MCTP2: variants seen among roughly 807,000 people sequenced by gnomAD.
The protein encoded by MCTP2 is multiple C2 and transmembrane domain containing 2, also known as multiple C2 and transmembrane domain-containing protein 2.
A neutral mutation model predicts 111.6 loss-of-function variants in MCTP2; 132 were observed. That is an observed-to-expected ratio of 1.18 (90% confidence interval 1.03 to 1.37). The LOEUF is 1.37. Among genes scored for constraint, MCTP2 ranks in the 40% most tolerant of loss-of-function variants. The pLI is 0.00. For synonymous variants in MCTP2, 395 were observed against 387.7 expected (o/e 1.02, Z -0.22); for missense variants, 1,183 against 1,067.9 (o/e 1.11, Z -1.50).
At chr15:94,363,840 G>A (rs1026196781) in intron 10 of MCTP2, among the ~76,000 whole-genome samples, 5 of 152,124 alleles carry the variant, frequency 3.3e-5, no homozygotes, top group African/African-American at 1.2e-4. Context: ...GTCTCCTTGT[G>A]TGTGAAGTCA....
chr15:94,386,843 T>C (rs2080516372), intron 14 of MCTP2, among the ~76,000 whole-genome samples: 1 of 152,162 alleles, frequency 6.6e-6, no homozygotes. Flanking sequence ...CCCTCTGTTT[T>C]GTACCTAAAA....
chr15:94,470,061 A>G (rs1157111512), intron 20 of MCTP2, among the ~76,000 whole-genome samples: 1 of 152,160 alleles, frequency 6.6e-6, no homozygotes, highest in East Asian at 1.9e-4. Flanking sequence ...TGAGAGCCAA[A>G]AGTCTTCTCT....
chr15:94,456,435 G>C (rs1160462551), intron 19 of MCTP2, among the ~76,000 whole-genome samples: 5 of 152,230 alleles, frequency 3.3e-5, no homozygotes, highest in Non-Finnish European at 7.3e-5. Flanking sequence ...CTGCCGAAAA[G>C]AGGAAGCCAC....
chr15:94,254,548 G>T (rs963253771), intron 1 of MCTP2, among the ~76,000 whole-genome samples: 3 of 152,264 alleles, frequency 2.0e-5, no homozygotes, highest in Admixed American at 1.3e-4. Context: ...CCAAACAAAG[G>T]GCCACTATTT....
Position 94,339,298 on chromosome 15 carries a change from G to A in MCTP2, c.646G>A (p.Asp216Asn). The A allele has an allele frequency of 6.2e-7, 1 of 1,602,120 alleles. No individual in the cohort carries two copies. The highest frequency in any genetic ancestry group is 8.5e-7 in the Non-Finnish European group (1 of 1,175,286). Residue 216 changes from aspartate to asparagine, a missense_variant, in exon 5 of 23, where the codon GAT becomes AAT. Physicochemically the swap from Asp to Asn is conservative, Grantham distance 23 (BLOSUM62 1). Coordinates refer to ENST00000357742, the MANE Select transcript of MCTP2 (RefSeq NM_001385001.1). ...TTCTTTTCCTTTTAAAGGCACAAGT[G>A]ATCCTTATGTGAAATTTAAGCTGAA... ...LVVRDRCGTSDPYVKFKLNGK... is the reference protein window; with the variant it reads ...LVVRDRCGTSNPYVKFKLNGK...
intron 22 of MCTP2, among the ~76,000 whole-genome samples, chr15:94,478,427 A>G (rs931065917): frequency 3.9e-5 from 6 of 152,232 alleles, no homozygotes; most frequent in African/African-American, 1.4e-4. Flanking sequence ...AAGTACTCAT[A>G]TTTATCACAG....
chr15:94,355,081 G>T (rs1422721147), intron 8 of MCTP2, among the ~76,000 whole-genome samples: 1 of 152,200 alleles, frequency 6.6e-6, no homozygotes, highest in African/African-American at 2.4e-5. Context: ...TGTGGATCAT[G>T]TGGGGATCCC....
intron 4 of MCTP2, among the ~76,000 whole-genome samples, chr15:94,335,184 C>T (rs2077301160): frequency 6.6e-6 from 1 of 152,124 alleles, no homozygotes; most frequent in Non-Finnish European, 1.5e-5. Context: ...ATTTCTAAAC[C>T]TTGGCTCTGA....
chr15:94,303,107 A>ATATATAG (rs1475720278), intron 2 of MCTP2, among the ~76,000 whole-genome samples: 2 of 132,246 alleles, frequency 1.5e-5, no homozygotes, highest in Non-Finnish European at 3.1e-5. Flanking sequence ...TAGTTTATAT[A>ATATATAG]TATATATAGT....
At chr15:94,372,761 G>A (rs1269080791) in intron 12 of MCTP2, among the ~76,000 whole-genome samples, 3 of 150,446 alleles carry the variant, frequency 2.0e-5, no homozygotes, top group African/African-American at 7.3e-5. Context: ...GGGGAGTAAA[G>A]CATTCACCCA....
intron 2 of MCTP2, among the ~76,000 whole-genome samples, chr15:94,305,271 G>A (rs1023370799): frequency 5.3e-5 from 8 of 152,178 alleles, no homozygotes; most frequent in Non-Finnish European, 1.2e-4. Flanking sequence ...GGAGTCATCT[G>A]CAAGGCAGGA....
intron 9 of MCTP2, 32 bp downstream of exon 9, chr15:94,356,333 T>C (rs1420237671): frequency 2.0e-6 from 3 of 1,491,074 alleles, no homozygotes; most frequent in Admixed American, 2.4e-5. Context: ...AGGAGAACAG[T>C]ATCTTTAAAA....
At chr15:94,427,640 T>C (rs1041812998) in intron 17 of MCTP2, among the ~76,000 whole-genome samples, 2 of 152,134 alleles carry the variant, frequency 1.3e-5, no homozygotes, top group Non-Finnish European at 2.9e-5. Flanking sequence ...GGGATTACAA[T>C]TGGAGATGAG....
intron 17 of MCTP2, among the ~76,000 whole-genome samples, chr15:94,413,351 A>G (rs1596631405): frequency 6.6e-6 from 1 of 152,100 alleles, no homozygotes; most frequent in Non-Finnish European, 1.5e-5. Flanking sequence ...TCTGTAGCAC[A>G]TTCTTCCTTA....
intron 20 of MCTP2, among the ~76,000 whole-genome samples, chr15:94,465,039 G>A (rs1393390339): frequency 1.3e-5 from 2 of 152,030 alleles, no homozygotes; most frequent in East Asian, 3.8e-4. Flanking sequence ...TTACTTAGAT[G>A]TGTTTAAACT....
chr15:94,249,641 A>T (rs954302269), intron 1 of MCTP2, among the ~76,000 whole-genome samples: 9 of 151,904 alleles, frequency 5.9e-5, no homozygotes, highest in African/African-American at 2.2e-4. Context: ...ACCCGCCACC[A>T]CGCCCAGCTA....
intron 8 of MCTP2, among the ~76,000 whole-genome samples, chr15:94,352,187 T>A (rs2078341339): frequency 6.6e-6 from 1 of 152,232 alleles, no homozygotes; most frequent in Non-Finnish European, 1.5e-5. Context: ...GAGGATTCCC[T>A]ACCTGTTTGA....
chr15:94,480,055 G>GA lies in MCTP2; in HGVS notation c.*1023dup, dbSNP rs2074648311. On this transcript the variant is annotated 3_prime_UTR_variant, in exon 23 of 23. Transcript: ENST00000357742. ...CTACATACAATAAAAATTTATTTCA[G>GA]AACCCCATTTCTAGAAAATACCACC... The GA allele has an allele frequency of 6.6e-6, 1 of 152,016 alleles. No individual in the cohort carries two copies. The highest frequency in any genetic ancestry group is 2.4e-5 in the African/African-American group (1 of 41,390). 9.4% of individuals were successfully genotyped at this position (152,016 alleles called of 1,614,324 possible). A position where few individuals can be genotyped will look rare whatever the true frequency, so the allele number is the denominator to read the frequency against.
rs753977332 is a variant in MCTP2 at position 94,286,947 on chromosome 15, C to T, written c.-65-11254C>T. ...TCATGTTTTGTGAAGAGATCCTGCTCTTCAAGGGTCACATTTTAGCTTATA... is the reference window on the plus strand; with the variant it reads ...TCATGTTTTGTGAAGAGATCCTGCTTTTCAAGGGTCACATTTTAGCTTATA... On this transcript the variant is annotated intron_variant, in intron 1 of 22. Coordinates refer to ENST00000357742, the MANE Select transcript of MCTP2 (RefSeq NM_001385001.1). 6.5e-4 allele frequency among the ~76,000 whole-genome samples: 99 copies of T among 152,154 alleles called. 1 individual carries two copies. Among genetic ancestry groups the T allele is most frequent in the Non-Finnish European group, 2.4e-4 (16 of 68,026 alleles).
Sources: gnomAD v4.1 joint callset for allele counts (sites outside exome capture counted in the v4.1 genomes callset) on GRCh38, gnomAD v4.1.1 for gene constraint, MANE v1.5 for transcripts, NCBI Gene and HGNC (gene_info 2026-07-23, HGNC 2026-07-21) for gene names.